Variants in ZMYM5 observed in about 807,000 individuals in gnomAD.
ZMYM5 encodes the protein zinc finger MYM-type containing 5, also known as zinc finger MYM-type protein 5.
In ZMYM5, 41 loss-of-function variants were observed where a neutral mutation model predicts 61.8. The ratio of observed to expected loss-of-function variants is 0.66; its 90% CI spans 0.52 to 0.86. The LOEUF is 0.86. Among genes scored for constraint, ZMYM5 ranks in the 40% least tolerant of loss-of-function variants. ZMYM5 has a pLI of 0.00. For synonymous variants in ZMYM5, 257 were observed against 276.4 expected (o/e 0.93, Z 0.70); for missense variants, 706 against 786.7 (o/e 0.90, Z 1.23).
chr13:19,828,047 A>G (rs1169226253), intron 7 of ZMYM5, among the ~76,000 whole-genome samples: 1 of 147,356 alleles, frequency 6.8e-6, no homozygotes, highest in Admixed American at 6.8e-5. Flanking sequence ...AAAAAGATGT[A>G]TAAAATGTGA....
intron 4 of ZMYM5, among the ~76,000 whole-genome samples, chr13:19,843,211 A>G (rs1461542200): frequency 2.0e-5 from 3 of 150,112 alleles, no homozygotes; most frequent in Non-Finnish European, 4.4e-5. Context: ...TCCACCTCCC[A>G]GGTTGAAGTG....
At chr13:19,858,216 C>CA (rs1459459125) in intron 2 of ZMYM5, among the ~76,000 whole-genome samples, 2 of 147,702 alleles carry the variant, frequency 1.4e-5, no homozygotes, top group Non-Finnish European at 3.0e-5. Flanking sequence ...AAAAAAAAAA[C>CA]AAAAAAACCA....
intron 4 of ZMYM5, among the ~76,000 whole-genome samples, chr13:19,840,701 G>C (rs553383218): frequency 1.3e-5 from 2 of 151,434 alleles, no homozygotes; most frequent in South Asian, 4.2e-4. Context: ...TTTTGAGACG[G>C]AGTCTCGCTC....
chr13:19,836,445 A>G (rs538061902), intron 6 of ZMYM5, among the ~76,000 whole-genome samples: 1 of 151,960 alleles, frequency 6.6e-6, no homozygotes, highest in African/African-American at 2.4e-5. Context: ...ATGGGTCAAC[A>G]ATCTTTTTTT....
intron 2 of ZMYM5, among the ~76,000 whole-genome samples, chr13:19,853,713 G>C (rs1409973155): frequency 6.7e-6 from 1 of 150,030 alleles, no homozygotes; most frequent in Non-Finnish European, 1.5e-5. Context: ...GTGATCCCCC[G>C]GCTTTAACTT....
chr13:19,860,470 G>GTGTGTA (rs71070254), intron 2 of ZMYM5, among the ~76,000 whole-genome samples: 3,700 of 136,228 alleles, frequency 0.027, 74 homozygotes, highest in African/African-American at 0.039. Context: ...GTGTGTGTGT[G>GTGTGTA]TATTTTTTTT....
chr13:19,851,636 T>C, intron 3 of ZMYM5, 53 bp downstream of exon 3: 1 of 1,547,616 alleles, frequency 6.5e-7, no homozygotes, highest in Non-Finnish European at 8.7e-7. Flanking sequence ...AGTAATAATG[T>C]ATTTCAGAGT....
rs1015447525 is a variant in ZMYM5 at position 19,828,072 on chromosome 13, G to A, written c.1252-2837C>T. Reference sequence around the variant, plus strand: ...ATAAAATGTGAATGGCATCCTATTAGCTATACACAACACAACTTGAGTACC... The same window carrying A: ...ATAAAATGTGAATGGCATCCTATTAACTATACACAACACAACTTGAGTACC... On this transcript the variant is annotated intron_variant, in intron 7 of 7. Coordinates refer to ENST00000337963, the MANE Select transcript of ZMYM5 (RefSeq NM_001142684.2). Among the ~76,000 whole-genome samples the A allele has an allele frequency of 3.4e-5, 5 of 148,386 alleles. No homozygotes were observed. In the Admixed American group the frequency reaches 3.4e-4, roughly 10 times the overall value.
chr13:19,854,760 C>T (rs184030662), intron 2 of ZMYM5, among the ~76,000 whole-genome samples: 2 of 151,702 alleles, frequency 1.3e-5, no homozygotes, highest in African/African-American at 4.8e-5. Context: ...GAGGAAGGAA[C>T]TATTACTTTT....
chr13:19,845,387 T>C (rs531292864), intron 4 of ZMYM5, among the ~76,000 whole-genome samples: 1 of 152,344 alleles, frequency 6.6e-6, no homozygotes, highest in African/African-American at 2.4e-5. Context: ...GCAATGGCAC[T>C]AAACCGTACT....
At chr13:19,853,327 T>A (rs1953381821) in intron 2 of ZMYM5, among the ~76,000 whole-genome samples, 1 of 152,222 alleles carries the variant, frequency 6.6e-6, no homozygotes, top group Non-Finnish European at 1.5e-5. Flanking sequence ...GCACAGGTGG[T>A]AATGAAATTG....
At chr13:19,834,004 G>A (rs532280723) in intron 7 of ZMYM5, among the ~76,000 whole-genome samples, 57 of 152,174 alleles carry the variant, frequency 3.7e-4, no homozygotes, top group African/African-American at 1.3e-3. Context: ...GAGACAGAGC[G>A]TTGCTCTTGC....
intron 7 of ZMYM5, among the ~76,000 whole-genome samples, chr13:19,825,666 A>G (rs559529849): frequency 5.3e-5 from 8 of 151,804 alleles, no homozygotes; most frequent in East Asian, 3.9e-4. Flanking sequence ...AGAAGAAGAA[A>G]AAAAAAAAGG....
chr13:19,826,648 G>T (rs573948363), intron 7 of ZMYM5, among the ~76,000 whole-genome samples: 1 of 151,774 alleles, frequency 6.6e-6, no homozygotes, highest in African/African-American at 2.4e-5. Context: ...CCAGCTACTC[G>T]GGAGGCTGAG....
intron 7 of ZMYM5, among the ~76,000 whole-genome samples, chr13:19,834,135 C>A (rs118163777): frequency 0.098 from 14,945 of 152,228 alleles, 852 homozygotes; most frequent in African/African-American, 0.16. Flanking sequence ...AGCCACCATG[C>A]CCGGCTTATT....
chr13:19,858,171 T>C (rs1372127055), intron 2 of ZMYM5, among the ~76,000 whole-genome samples: 5 of 150,424 alleles, frequency 3.3e-5, no homozygotes, highest in Non-Finnish European at 5.9e-5. Context: ...CACTAAAGTC[T>C]GGGCAACAGA....
chr13:19,840,543 T>G (rs1952832345), intron 4 of ZMYM5, among the ~76,000 whole-genome samples: 1 of 152,146 alleles, frequency 6.6e-6, no homozygotes, highest in South Asian at 2.1e-4. Flanking sequence ...CTGGCTAATT[T>G]TTTTATTTTT....
At position 19,826,046 on chromosome 13, in the gene ZMYM5, TAAAAAAAA is replaced by T. The variant is rs56181038; in HGVS notation, c.1252-819_1252-812del. ...GGGCAACAGAGCAAGACTCCATGCT[TAAAAAAAA>T]AAAAAAAAAAAGAGAGAACAAAAGT... On this transcript the variant is annotated intron_variant, in intron 7 of 7. Transcript: ENST00000337963. 4.9e-3 allele frequency among the ~76,000 whole-genome samples: 588 copies of T among 118,876 alleles called. 2 individuals carry two copies. Among genetic ancestry groups the T allele is most frequent in the African/African-American group, 0.018 (567 of 31,072 alleles). The allele number at this position is 118,876 out of a possible 152,430, so 78.0% of individuals were successfully genotyped here.
At chr13:19,855,078 G>A (rs1243361015) in intron 2 of ZMYM5, among the ~76,000 whole-genome samples, 1 of 152,144 alleles carries the variant, frequency 6.6e-6, no homozygotes, top group African/African-American at 2.4e-5. Context: ...TTGGGGGCCA[G>A]GAATGTTGGC....
Sources: allele counts gnomAD v4.1 joint callset (sites outside exome capture counted in the v4.1 genomes callset), GRCh38; gene constraint gnomAD v4.1.1; transcripts MANE v1.5; gene names NCBI Gene and HGNC (gene_info 2026-07-23, HGNC 2026-07-21).